Variants in NAV2 observed in about 807,000 individuals in gnomAD.
NAV2 encodes the protein neuron navigator 2.
A neutral mutation model predicts 223.2 loss-of-function variants in NAV2; 54 were observed. That is an observed-to-expected ratio of 0.24 (90% CI 0.19 to 0.30). The LOEUF is 0.30. NAV2 is among the 10% of genes least tolerant of loss of function. The pLI is 1.00. For missense variants in NAV2, 2,806 were observed against 3,147.5 expected (o/e 0.89, Z 2.60); for synonymous variants, 1,279 against 1,239.3 (o/e 1.03, Z -0.67).
In NAV2 at chr11:20,045,662, A is replaced by T. The variant is rs1329799083; in HGVS notation, c.3894A>T (p.Thr1298=). The change falls in exon 14 of 38, where the codon ACA becomes ACT. Residue 1298 remains threonine (T), a synonymous_variant. Coordinates refer to ENST00000349880, the MANE Select transcript of NAV2 (RefSeq NM_145117.5). The part of the protein sequence containing the change: ...GAKYPDVASP[T]LRRLFGGKPT... ...AGTACCCAGATGTGGCCTCTCCCAC[A>T]CTCCGCAGGTAAGTGAGTACATAAA... The T allele has an allele frequency of 6.2e-7, 1 of 1,612,990 alleles. No homozygotes were observed. The highest frequency in any genetic ancestry group is 2.2e-5 in the East Asian group (1 of 44,862).
At chr11:20,102,406 A>G (rs2061703558) in intron 32 of NAV2, among the ~76,000 whole-genome samples, 1 of 152,170 alleles carries the variant, frequency 6.6e-6, no homozygotes, top group Non-Finnish European at 1.5e-5. Flanking sequence ...GCAGGCACCC[A>G]GGTCTGACCC....
At chr11:19,658,831 T>A (rs550750289) in intron 1 of NAV2, among the ~76,000 whole-genome samples, 1 of 152,258 alleles carries the variant, frequency 6.6e-6, no homozygotes, top group East Asian at 1.9e-4. Flanking sequence ...CAGCCAATAT[T>A]CCAGTACATG....
intron 1 of NAV2, among the ~76,000 whole-genome samples, chr11:19,518,918 AGG>A (rs533255713): frequency 5.8e-4 from 89 of 152,294 alleles, no homozygotes; most frequent in African/African-American, 1.9e-3. Context: ...TCCTTATAAA[AGG>A]GACCCCATAG....
chr11:19,662,967 C>T (rs778352760), intron 1 of NAV2, among the ~76,000 whole-genome samples: 5 of 152,188 alleles, frequency 3.3e-5, no homozygotes, highest in Non-Finnish European at 7.3e-5. Context: ...AGGTCCAAAG[C>T]CCTCCCCAGT....
chr11:20,048,837 C>G lies in NAV2; in HGVS notation c.4012C>G (p.Leu1338Val). 5 of 1,614,130 alleles carry G rather than the reference C, an allele frequency of 3.1e-6. No individual in the cohort carries two copies. Among genetic ancestry groups the G allele is most frequent in the Non-Finnish European group, 4.2e-6 (5 of 1,179,992 alleles). The change falls in exon 15 of 38, where the codon CTA becomes GTA. Residue 1338 changes from leucine (L) to valine (V), a missense_variant. By Grantham distance (32) the Leu-to-Val change is conservative (BLOSUM62 1). Transcript: ENST00000349880. ...PHATMTQQGN[L>V]DSPSGSGVLS... is the part of the protein sequence containing the mutation. ...TGCCACCATGACTCAGCAAGGTAAC[C>G]TAGACTCCCCGTCAGGCAGTGGCGT...
chr11:19,906,989 A>G (rs537323572), intron 6 of NAV2, among the ~76,000 whole-genome samples: 4 of 152,284 alleles, frequency 2.6e-5, no homozygotes, highest in African/African-American at 9.6e-5. Flanking sequence ...CAGCAACTCT[A>G]TTTGATGGCT....
chr11:19,764,822 C>T (rs1377943611), intron 1 of NAV2, among the ~76,000 whole-genome samples: 1 of 152,208 alleles, frequency 6.6e-6, no homozygotes, highest in Non-Finnish European at 1.5e-5. Flanking sequence ...GACTGTTTCT[C>T]CCTTAGTCTT....
intron 1 of NAV2, among the ~76,000 whole-genome samples, chr11:19,441,746 G>A (rs1410022627): frequency 6.6e-6 from 1 of 152,074 alleles, no homozygotes; most frequent in Non-Finnish European, 1.5e-5. Flanking sequence ...ACAATTTATC[G>A]GAGCCCATTT....
At chr11:20,113,271 T>C (rs187837502) in intron 36 of NAV2, among the ~76,000 whole-genome samples, 49 of 152,328 alleles carry the variant, frequency 3.2e-4, no homozygotes, top group African/African-American at 1.1e-3. Flanking sequence ...TCGTAAAGCA[T>C]TTCTCACGGT....
At position 19,475,389 on chromosome 11, in the gene NAV2, G is replaced by A. The variant is rs185811089; in HGVS notation, c.75+124362G>A. ...GCTGCCTTTGAGCCACATGGAAGGC[G>A]GAGCTGCTGAATTAAATTAACATGG... On this transcript the variant is annotated intron_variant, in intron 1 of 37. Coordinates refer to the NAV2 transcript ENST00000360655. Among the ~76,000 whole-genome samples, 7 of 152,308 alleles carry A rather than the reference G, an allele frequency of 4.6e-5. No individual in the cohort carries two copies. The East Asian group carries it at 7.7e-4, about 17-fold the overall frequency.
At chr11:19,837,869 T>C (rs1052600548) in intron 2 of NAV2, among the ~76,000 whole-genome samples, 3 of 152,206 alleles carry the variant, frequency 2.0e-5, no homozygotes, top group Non-Finnish European at 2.9e-5. Context: ...AACTGGAATG[T>C]TGGAATTAAA....
intron 25 of NAV2, among the ~76,000 whole-genome samples, chr11:20,082,215 T>G (rs2060135098): frequency 6.6e-6 from 1 of 152,170 alleles, no homozygotes; most frequent in African/African-American, 2.4e-5. Flanking sequence ...AAGCTAGAAT[T>G]GCTCAAAAAG....
rs796078905 is a variant in NAV2, at chr11:20,082,524, C to A, written c.5326-483C>A. 14 of 1,535,922 alleles carry A rather than the reference C, an allele frequency of 9.1e-6. No homozygotes were observed. In the African/African-American group the frequency reaches 1.9e-4, roughly 21 times the overall value. ...AGTCCGAAGCTTTCCCTGTCACTGG[C>A]TTTCTCTGTTAAAAAATTGTCTTTT... is the stretch of plus-strand genomic sequence containing the variant. On this transcript the variant is annotated intron_variant, in intron 25 of 37. Coordinates refer to ENST00000349880, the MANE Select transcript of NAV2 (RefSeq NM_145117.5).
chr11:19,750,337 C>A (rs1358744090), intron 1 of NAV2, among the ~76,000 whole-genome samples: 1 of 152,226 alleles, frequency 6.6e-6, no homozygotes, highest in Non-Finnish European at 1.5e-5. Context: ...CAAACCTTCT[C>A]ACTTATACAC....
rs1479178634 is a variant in NAV2 at position 19,880,082 on chromosome 11, C to T, written c.725C>T (p.Pro242Leu). ...CAAGCCCCGTGCCAGCCTCACCAGCCAGCGCCACATCAGCAGTCAAAAGCA... is the reference window on the plus strand; with the variant it reads ...CAAGCCCCGTGCCAGCCTCACCAGCTAGCGCCACATCAGCAGTCAAAAGCA... ...TPQAPCQPHQ[P>L]APHQQSKAQA... The change falls in exon 5 of 38, where the codon CCA becomes CTA. Residue 242 changes from proline (P) to leucine (L), a missense_variant. Pro to Leu is a moderately conservative substitution (Grantham distance 98). Transcript: ENST00000349880. 6.2e-7 allele frequency: 1 copy of T among 1,610,856 alleles called. No individual in the cohort carries two copies. Among genetic ancestry groups the T allele is most frequent in the Admixed American group, 1.7e-5 (1 of 59,834 alleles).
At chr11:19,681,885 C>T (rs959510901) in intron 1 of NAV2, among the ~76,000 whole-genome samples, 3 of 152,092 alleles carry the variant, frequency 2.0e-5, no homozygotes, top group East Asian at 1.9e-4. Flanking sequence ...CAGGAGGCTG[C>T]GTGGTGGTTT....
intron 22 of NAV2, among the ~76,000 whole-genome samples, chr11:20,072,133 T>C (rs1349937755): frequency 6.6e-6 from 1 of 152,156 alleles, no homozygotes; most frequent in African/African-American, 2.4e-5. Context: ...AAGGAAGGGG[T>C]CCAGTTTCAG....
chr11:19,348,325 T>G (rs1853112122), upstream of NAV2, among the ~76,000 whole-genome samples: 1 of 152,014 alleles, frequency 6.6e-6, no homozygotes, highest in African/African-American at 2.4e-5. Flanking sequence ...GGCACCGGAC[T>G]TTTTTTTCTT....
intron 6 of NAV2, among the ~76,000 whole-genome samples, chr11:19,913,571 G>A (rs1340908997): frequency 6.6e-6 from 1 of 152,198 alleles, no homozygotes; most frequent in African/African-American, 2.4e-5. Context: ...AGCCAGAACT[G>A]TCTATGTGTG....
Sources: gnomAD v4.1 joint callset for allele counts (sites outside exome capture counted in the v4.1 genomes callset) on GRCh38, gnomAD v4.1.1 for gene constraint, MANE v1.5 for transcripts, NCBI Gene and HGNC (gene_info 2026-07-23, HGNC 2026-07-21) for gene names.